Variants in SAMD13 observed in about 807,000 individuals in gnomAD.
The protein encoded by SAMD13 is sterile alpha motif domain containing 13.
SAMD13 carries 9 observed loss-of-function variants against 12.4 expected under a neutral mutation model. The ratio of observed to expected loss-of-function variants is 0.72; its 90% CI spans 0.44 to 1.26. The LOEUF is 1.26. SAMD13 is among the 50% of genes most tolerant of loss of function. The pLI, the probability that SAMD13 is intolerant of heterozygous loss-of-function variation, is 0.00. For synonymous variants in SAMD13, 46 were observed against 45.4 expected, an observed-to-expected ratio of 1.01 and a Z score of -0.05; for missense variants, 84 against 119.6, an observed-to-expected ratio of 0.70 and a Z score of 1.39.
At chr1:84,337,184 G>T (rs1384649767) in intron 3 of SAMD13, among the ~76,000 whole-genome samples, 1 of 152,176 alleles carries the variant, frequency 6.6e-6, no homozygotes, top group Non-Finnish European at 1.5e-5. Flanking sequence ...CCATTCTGGG[G>T]TCTGGAGGAT....
intron 2 of SAMD13, among the ~76,000 whole-genome samples, chr1:84,316,040 CCTT>C (rs1455019446): frequency 2.0e-5 from 3 of 151,872 alleles, no homozygotes; most frequent in South Asian, 2.1e-4. Context: ...TCTATTATGT[CCTT>C]CGACCATTTT....
At chr1:84,338,432 CTTTTTTTTTT>C (rs201864672) in intron 3 of SAMD13, among the ~76,000 whole-genome samples, 4 of 100,698 alleles carry the variant, frequency 4.0e-5, no homozygotes, top group Admixed American at 2.2e-4. Flanking sequence ...ACTCATCTCT[CTTTTTTTTTT>C]TTTTTTTTTT....
chr1:84,330,388 T>A (rs569532500), intron 3 of SAMD13, among the ~76,000 whole-genome samples: 1 of 152,220 alleles, frequency 6.6e-6, no homozygotes, highest in Non-Finnish European at 1.5e-5. Flanking sequence ...CACTTGTCCA[T>A]GGGTATGGCC....
chr1:84,309,121 A>T (rs190407255), intron 2 of SAMD13, among the ~76,000 whole-genome samples: 3 of 152,338 alleles, frequency 2.0e-5, no homozygotes, highest in East Asian at 3.9e-4. Flanking sequence ...TTTTTCAAGT[A>T]AGTAAACAGA....
intron 3 of SAMD13, among the ~76,000 whole-genome samples, chr1:84,334,443 T>G (rs1056649733): frequency 5.3e-5 from 8 of 152,064 alleles, no homozygotes; most frequent in African/African-American, 1.9e-4. Context: ...TGGATATTCA[T>G]TCCTTTCTTC....
intron 3 of SAMD13, among the ~76,000 whole-genome samples, chr1:84,335,029 T>G (rs947278701): frequency 8.5e-5 from 13 of 152,170 alleles, no homozygotes; most frequent in South Asian, 4.1e-4. Context: ...TCTGCCATCT[T>G]AGAGGTGGAG....
chr1:84,306,212 C>T (rs1034056190), intron 2 of SAMD13, among the ~76,000 whole-genome samples: 1 of 151,998 alleles, frequency 6.6e-6, no homozygotes, highest in Non-Finnish European at 1.5e-5. Flanking sequence ...AGTTGCATCC[C>T]TAATATTTCA....
chr1:84,319,639 AAAGG>A (rs1402235140), intron 2 of SAMD13, among the ~76,000 whole-genome samples: 2 of 151,066 alleles, frequency 1.3e-5, no homozygotes, highest in South Asian at 4.2e-4. Context: ...AAAAAAAAAA[AAAGG>A]AGCATTGTTA....
At chr1:84,302,262 G>A (rs1678467521) in intron 1 of SAMD13, among the ~76,000 whole-genome samples, 1 of 151,542 alleles carries the variant, frequency 6.6e-6, no homozygotes. Flanking sequence ...GAAGTATAAA[G>A]TGATTTGAGT....
intron 3 of SAMD13, among the ~76,000 whole-genome samples, chr1:84,335,090 C>A (rs1679264910): frequency 6.6e-6 from 1 of 151,976 alleles, no homozygotes; most frequent in East Asian, 1.9e-4. Flanking sequence ...AAGTTCAAGT[C>A]CCGAATATCT....
chr1:84,328,588 G>A (rs1398320343), intron 3 of SAMD13, among the ~76,000 whole-genome samples: 1 of 152,130 alleles, frequency 6.6e-6, no homozygotes, highest in Non-Finnish European at 1.5e-5. Context: ...AAGATAAGTC[G>A]CTGCTGTGAT....
At chr1:84,318,094 G>T (rs1014268094) in intron 2 of SAMD13, among the ~76,000 whole-genome samples, 4 of 151,860 alleles carry the variant, frequency 2.6e-5, no homozygotes, top group Admixed American at 6.6e-5. Flanking sequence ...CTAGCTAAAG[G>T]TTTGTCAGTT....
chr1:84,315,045 T>G (rs941944723), intron 2 of SAMD13, among the ~76,000 whole-genome samples: 4 of 151,564 alleles, frequency 2.6e-5, no homozygotes, highest in African/African-American at 9.7e-5. Flanking sequence ...TCTCTTTGTT[T>G]TTCTTTCCTT....
intron 3 of SAMD13, chr1:84,344,948 C>T (rs1387121630): frequency 2.2e-6 from 1 of 456,734 alleles, no homozygotes; most frequent in Admixed American, 2.3e-5. Flanking sequence ...GGAGGAGGAA[C>T]TATGCATTCT....
intron 3 of SAMD13, among the ~76,000 whole-genome samples, chr1:84,346,517 T>C (rs775089231): frequency 6.6e-6 from 1 of 152,236 alleles, no homozygotes; most frequent in African/African-American, 2.4e-5. Flanking sequence ...CATCATGATG[T>C]ACATGCAAAA....
chr1:84,304,116 A>G (rs1678510815), intron 2 of SAMD13: 1 of 152,220 alleles, frequency 6.6e-6, no homozygotes. Context: ...TGATATCTAA[A>G]TGAGGAAACA....
rs187643277 is a variant in SAMD13 at position 84,339,997 on chromosome 1, A to G, written c.166-9634A>G. 1.2e-4 allele frequency among the ~76,000 whole-genome samples: 19 copies of G among 152,360 alleles called. No individual in the cohort carries two copies. The East Asian group carries it at 3.5e-3, about 28-fold the overall frequency. On this transcript the variant is annotated intron_variant, in intron 3 of 3. Transcript: ENST00000394834. ...TTCTTTGTACATTGCTGGTAGAACT[A>G]TAAAATGGTGCATCTGTTGTGGAAA...
chr1:84,328,923 T>C (rs1190527429), intron 3 of SAMD13, among the ~76,000 whole-genome samples: 1 of 152,058 alleles, frequency 6.6e-6, no homozygotes, highest in Non-Finnish European at 1.5e-5. Context: ...TAAACCACTT[T>C]TGAAAAGGGC....
chr1:84,338,430 C>G (rs1679349873), intron 3 of SAMD13, among the ~76,000 whole-genome samples: 1 of 117,118 alleles, frequency 8.5e-6, no homozygotes, highest in Non-Finnish European at 1.7e-5. Flanking sequence ...GAACTCATCT[C>G]TCTTTTTTTT....
Sources: allele counts gnomAD v4.1 joint callset (sites outside exome capture counted in the v4.1 genomes callset), GRCh38; gene constraint gnomAD v4.1.1; transcripts MANE v1.5; gene names NCBI Gene and HGNC (gene_info 2026-07-23, HGNC 2026-07-21).